The following IL21R variants were observed in gnomAD, a reference collection of about 807,000 sequenced individuals.
IL21R encodes the protein interleukin-21 receptor.
Under a neutral mutation model 41.3 loss-of-function variants are expected in IL21R, and 14 were observed. The ratio of observed to expected loss-of-function variants is 0.34; its 90% CI spans 0.22 to 0.53. The LOEUF (loss-of-function observed/expected upper bound fraction) is 0.53, where lower values mean the gene tolerates loss of function less well. IL21R is among the 20% of genes least tolerant of loss of function. The pLI, the probability that IL21R is intolerant of heterozygous loss-of-function variation, is 0.94. For synonymous variants in IL21R, 286 were observed against 287.6 expected, an observed-to-expected ratio of 0.99 and a Z score of 0.05; for missense variants, 588 against 681.6, an observed-to-expected ratio of 0.86 and a Z score of 1.53.
Position 27,444,714 on chromosome 16 carries a change from C to T in IL21R, c.680C>T (p.Ser227Leu), listed in dbSNP as rs1265073922. The T allele has an allele frequency of 2.8e-5, 42 of 1,498,098 alleles. No individual in the cohort carries two copies. The highest frequency in any genetic ancestry group is 3.7e-5 in the Non-Finnish European group (42 of 1,122,726). The allele number at this position is 1,498,098 out of a possible 1,614,324, so 92.8% of individuals were successfully genotyped here. A position where few individuals can be genotyped will look rare whatever the true frequency, so the allele number is the denominator to read the frequency against. Residue 227 changes from serine (S) to leucine (L), a missense_variant, in exon 6 of 9, where the codon TCA (serine) becomes TTA (leucine). Ser to Leu is a moderately radical substitution (Grantham distance 145). Transcript: ENST00000337929. ...GACCCGGTCATCTTTCAGACCCAGT[C>T]AGAGGGTAGGTGTGAAGCTGGGATG... is the stretch of plus-strand genomic sequence containing the variant. ...WSDPVIFQTQSEELKEGWNPH... is the reference protein window; with the variant it reads ...WSDPVIFQTQLEELKEGWNPH...
intron 4 of IL21R, among the ~76,000 whole-genome samples, chr16:27,440,287 A>AGAGAGAGAGCGC (rs1479585420): frequency 5.8e-5 from 6 of 102,704 alleles, no homozygotes; most frequent in African/African-American, 2.5e-4. Context: ...AGAGCGAGCA[A>AGAGAGAGAGCGC]GCGCGCGCCA....
At chr16:27,423,725 C>T (rs1218693462) in intron 1 of IL21R, among the ~76,000 whole-genome samples, 1 of 152,118 alleles carries the variant, frequency 6.6e-6, no homozygotes, top group East Asian at 1.9e-4. Context: ...CACTGAGTGA[C>T]AGTATTGCGA....
At chr16:27,440,248 T>TATATAGAGAGAGAGAGAGAGAGAGAG (rs1352160946) in intron 4 of IL21R, among the ~76,000 whole-genome samples, 1 of 64,026 alleles carries the variant, frequency 1.6e-5, no homozygotes, top group Non-Finnish European at 2.7e-5. Flanking sequence ...TATATATATA[T>TATATAGAGAGAGAGAGAGAGAGAGAG]AGAGAGAGAG....
chr16:27,407,644 G>A (rs1050025405), intron 1 of IL21R, among the ~76,000 whole-genome samples: 1 of 152,182 alleles, frequency 6.6e-6, no homozygotes, highest in Admixed American at 6.5e-5. Context: ...TGACCAACAT[G>A]GTGAAACCCT....
chr16:27,449,020 C>A lies in IL21R; in HGVS notation c.1354C>A (p.Pro452Thr). Reference protein sequence around the residue: ...LGSLLDRLKPPLADGEDWAGG... With the variant: ...LGSLLDRLKPTLADGEDWAGG... ...AAGCCTCCTGGACAGACTAAAGCCA[C>A]CCCTTGCAGATGGGGAGGACTGGGC... Residue 452 changes from proline to threonine, a missense_variant, in exon 9 of 9, where the codon CCC (proline) becomes ACC (threonine). Physicochemically the swap from Pro to Thr is conservative, Grantham distance 38 (BLOSUM62 -1). Coordinates refer to ENST00000337929, the MANE Select transcript of IL21R (RefSeq NM_181078.3). 1.2e-6 allele frequency: 2 copies of A among 1,612,370 alleles called. No homozygotes were observed. Among genetic ancestry groups the A allele is most frequent in the Non-Finnish European group, 1.7e-6 (2 of 1,179,700 alleles).
chr16:27,439,696 C>A (rs2141299522), intron 4 of IL21R, among the ~76,000 whole-genome samples: 1 of 152,298 alleles, frequency 6.6e-6, no homozygotes, highest in South Asian at 2.1e-4. Flanking sequence ...GGGGACCCTC[C>A]TTGCCACTTG....
chr16:27,447,270 G>A (rs2087497898), intron 8 of IL21R, among the ~76,000 whole-genome samples: 1 of 152,122 alleles, frequency 6.6e-6, no homozygotes, highest in Admixed American at 6.5e-5. Context: ...ATCACAAACA[G>A]TGACTCATTT....
chr16:27,441,320 C>G (rs1400405596), intron 4 of IL21R, among the ~76,000 whole-genome samples: 2 of 152,240 alleles, frequency 1.3e-5, no homozygotes, highest in East Asian at 3.8e-4. Context: ...AGGCCCTTAA[C>G]ATATTGTGTT....
Position 27,449,952 on chromosome 16 carries a change from T to C in IL21R, c.*669T>C, listed in dbSNP as rs937478267. ...CCTGAGCCAAGTCGCCTCCCCTCTC[T>C]GGGCTAGAGTTTCCTTATCCAGACA... On this transcript the variant is annotated 3_prime_UTR_variant, in exon 9 of 9. Coordinates refer to ENST00000337929, the MANE Select transcript of IL21R (RefSeq NM_181078.3). The C allele has an allele frequency of 4.3e-6, 1 of 233,260 alleles. No homozygotes were observed. The allele number at this position is 233,260 out of a possible 1,614,324, so 14.4% of individuals were successfully genotyped here. A position where few individuals can be genotyped will look rare whatever the true frequency, so the allele number is the denominator to read the frequency against.
chr16:27,428,861 CCTTAT>C (rs758117717), intron 1 of IL21R, among the ~76,000 whole-genome samples: 78 of 152,328 alleles, frequency 5.1e-4, no homozygotes, highest in Middle Eastern at 3.4e-3. Context: ...ATTGGGCTAA[CCTTAT>C]CTTAAGTATT....
intron 1 of IL21R, among the ~76,000 whole-genome samples, chr16:27,405,736 T>C (rs545469683): frequency 7.4e-6 from 1 of 135,898 alleles, no homozygotes; most frequent in Non-Finnish European, 1.6e-5. Flanking sequence ...CCCCACTCCC[T>C]GCCCTGGCCC....
chr16:27,411,681 C>T (rs1366660203), intron 1 of IL21R, among the ~76,000 whole-genome samples: 2 of 152,150 alleles, frequency 1.3e-5, no homozygotes, highest in East Asian at 3.9e-4. Flanking sequence ...CCAGGCTGGT[C>T]TTGAACTCCT....
At chr16:27,428,127 GC>G (rs912206516) in intron 1 of IL21R, among the ~76,000 whole-genome samples, 5 of 152,308 alleles carry the variant, frequency 3.3e-5, no homozygotes, top group Admixed American at 1.3e-4. Context: ...ATCAATTACA[GC>G]TGTTGTTTGA....
intron 1 of IL21R, among the ~76,000 whole-genome samples, chr16:27,429,195 G>A (rs1019363302): frequency 1.3e-5 from 2 of 152,080 alleles, no homozygotes; most frequent in Non-Finnish European, 2.9e-5. Context: ...CTGCACTCCA[G>A]CCTGGGCGAT....
intron 1 of IL21R, among the ~76,000 whole-genome samples, chr16:27,418,149 A>C (rs1003200043): frequency 2.6e-5 from 4 of 151,532 alleles, no homozygotes; most frequent in Non-Finnish European, 5.9e-5. Context: ...GGCTCACTGC[A>C]AGCTCCGCCT....
intron 7 of IL21R, 79 bp from the exon 8 acceptor site, chr16:27,445,928 G>A: frequency 9.1e-7 from 1 of 1,103,512 alleles, no homozygotes; most frequent in Non-Finnish European, 1.3e-6. Context: ...CCTGTAGGAT[G>A]AAGCTGGGGA....
intron 1 of IL21R, among the ~76,000 whole-genome samples, chr16:27,406,832 A>G (rs186834523): frequency 7.4e-4 from 112 of 152,344 alleles, no homozygotes; most frequent in African/African-American, 2.6e-3. Flanking sequence ...AAAGGCAGAG[A>G]TACGGCCAAG....
chr16:27,422,297 A>C (rs2087011516), intron 1 of IL21R, among the ~76,000 whole-genome samples: 1 of 152,040 alleles, frequency 6.6e-6, no homozygotes, highest in Non-Finnish European at 1.5e-5. Flanking sequence ...TGGTTTGTAG[A>C]GCTATTTAAA....
chr16:27,409,864 T>C (rs2086800956), intron 1 of IL21R, among the ~76,000 whole-genome samples: 1 of 152,222 alleles, frequency 6.6e-6, no homozygotes, highest in African/African-American at 2.4e-5. Flanking sequence ...CCAAAGAAAA[T>C]CTTGCTGGAG....
Sources: allele counts gnomAD v4.1 joint callset (sites outside exome capture counted in the v4.1 genomes callset), GRCh38; gene constraint gnomAD v4.1.1; transcripts MANE v1.5; gene names NCBI Gene and HGNC (gene_info 2026-07-23, HGNC 2026-07-21).